ERC1: variants seen among roughly 807,000 people sequenced by gnomAD.
ERC1 encodes the protein ELKS/RAB6-interacting/CAST family member 1.
Under a neutral mutation model 132.0 loss-of-function variants are expected in ERC1, and 56 were observed. That is an observed-to-expected ratio of 0.42 (90% CI 0.34 to 0.53). The LOEUF (loss-of-function observed/expected upper bound fraction) is 0.53, where lower values mean the gene tolerates loss of function less well. Ranked by LOEUF, ERC1 falls within the 20% of genes least tolerant of loss-of-function variation. The probability of loss-of-function intolerance (pLI) is 0.03; values close to 1 mark genes in which losing one functional copy is unlikely to be tolerated. For synonymous variants in ERC1, 478 were observed against 476.1 expected, an observed-to-expected ratio of 1.00 and a Z score of -0.05; for missense variants, 1,202 against 1,349.9, an observed-to-expected ratio of 0.89 and a Z score of 1.72.
chr12:1,395,666 A>G (rs1161003579), intron 16 of ERC1, among the ~76,000 whole-genome samples: 2 of 151,888 alleles, frequency 1.3e-5, no homozygotes, highest in Non-Finnish European at 2.9e-5. Flanking sequence ...CAGCTGGGTT[A>G]TGTGTCTGGG....
intron 15 of ERC1, 79 bp downstream of exon 15, chr12:1,290,091 G>A (rs1440707514): frequency 3.2e-6 from 4 of 1,258,166 alleles, no homozygotes; most frequent in Non-Finnish European, 3.4e-6. Context: ...TTCTGGCTCT[G>A]TGTTTTACCC....
intron 13 of ERC1, among the ~76,000 whole-genome samples, chr12:1,242,679 A>G (rs1006735982): frequency 1.3e-5 from 2 of 152,186 alleles, no homozygotes; most frequent in Non-Finnish European, 1.5e-5. Context: ...TATAAGAGCA[A>G]ATGTTAACAG....
intron 3 of ERC1, among the ~76,000 whole-genome samples, chr12:1,102,994 C>G (rs1473503005): frequency 1.3e-5 from 2 of 152,158 alleles, no homozygotes; most frequent in African/African-American, 4.8e-5. Flanking sequence ...CACACTTCCT[C>G]CATGTATTCT....
intron 16 of ERC1, among the ~76,000 whole-genome samples, chr12:1,401,117 A>G (rs2154387437): frequency 6.7e-6 from 1 of 150,088 alleles, no homozygotes; most frequent in African/African-American, 2.5e-5. Flanking sequence ...TTGTATTTTT[A>G]GTAGAGACGG....
chr12:991,286 G>A lies in ERC1; in HGVS notation c.-193G>A, dbSNP rs1189826000. On this transcript the variant is annotated 5_prime_UTR_variant, in exon 1 of 19. Coordinates refer to ENST00000360905, the MANE Select transcript of ERC1 (RefSeq NM_178040.4). ...GTAGTGGCGGCGGCGGCGGTGCCTG[G>A]GCGGCAGCAGCAGCAGTAGCGGCAG... is the stretch of plus-strand genomic sequence containing the variant. 1.1e-5 allele frequency: 1 copy of A among 92,778 alleles called. No homozygotes were observed. The highest frequency in any genetic ancestry group is 7.3e-5 in the African/African-American group (1 of 13,778). The allele number at this position is 92,778 out of a possible 1,614,324, so 5.7% of individuals were successfully genotyped here.
chr12:1,343,934 C>T (rs1387797898), intron 15 of ERC1, among the ~76,000 whole-genome samples: 1 of 152,032 alleles, frequency 6.6e-6, no homozygotes, highest in Non-Finnish European at 1.5e-5. Context: ...CTCCGCCTTT[C>T]AGGTTCACAC....
intron 13 of ERC1, among the ~76,000 whole-genome samples, chr12:1,259,495 G>T: frequency 7.2e-6 from 1 of 138,906 alleles, no homozygotes; most frequent in African/African-American, 2.7e-5. Context: ...TGTTTTTCCT[G>T]TCTTGGGTAT....
chr12:1,241,803 T>C (rs1347821693), intron 13 of ERC1, among the ~76,000 whole-genome samples: 1 of 151,700 alleles, frequency 6.6e-6, no homozygotes, highest in African/African-American at 2.4e-5. Context: ...CATTCTAGAT[T>C]CATTGTTTTG....
intron 8 of ERC1, among the ~76,000 whole-genome samples, chr12:1,163,588 C>A (rs1306416108): frequency 6.6e-6 from 1 of 152,158 alleles, no homozygotes; most frequent in African/African-American, 2.4e-5. Flanking sequence ...GTAGTTTGTT[C>A]TTGATTTGTG....
intron 18 of ERC1, among the ~76,000 whole-genome samples, chr12:1,448,290 A>G (rs1270260737): frequency 2.6e-5 from 4 of 152,234 alleles, no homozygotes; most frequent in South Asian, 4.1e-4. Context: ...TCTCCCCAAC[A>G]GTCCCTGCGA....
intron 7 of ERC1, among the ~76,000 whole-genome samples, chr12:1,134,728 C>CT (rs201981125): frequency 0.16 from 21,763 of 136,032 alleles, 2,176 homozygotes; most frequent in Non-Finnish European, 0.23. Flanking sequence ...TCCTCAGTAA[C>CT]TTTTTTTTTT....
chr12:1,273,191 C>T (rs1566451448), intron 14 of ERC1, among the ~76,000 whole-genome samples: 1 of 151,956 alleles, frequency 6.6e-6, no homozygotes, highest in Non-Finnish European at 1.5e-5. Context: ...ATTTTAAAAC[C>T]GTAAAAATAT....
chr12:1,035,066 A>G (rs1565828569), intron 2 of ERC1, among the ~76,000 whole-genome samples: 1 of 152,226 alleles, frequency 6.6e-6, no homozygotes. Context: ...CGAAGGGTGC[A>G]ATTTTAAAGT....
intron 17 of ERC1, among the ~76,000 whole-genome samples, chr12:1,423,370 C>G (rs1027222099): frequency 2.6e-5 from 4 of 152,212 alleles, no homozygotes; most frequent in African/African-American, 9.7e-5. Flanking sequence ...CAAATAAACT[C>G]TTTAAAATTT....
At chr12:1,118,382 G>T (rs190439128) in intron 7 of ERC1, among the ~76,000 whole-genome samples, 3 of 152,082 alleles carry the variant, frequency 2.0e-5, no homozygotes, top group Non-Finnish European at 4.4e-5. Context: ...ATTCTTATTA[G>T]CCAGGTCTCA....
intron 15 of ERC1, among the ~76,000 whole-genome samples, chr12:1,315,226 A>T (rs2081599104): frequency 6.6e-6 from 1 of 152,158 alleles, no homozygotes; most frequent in Non-Finnish European, 1.5e-5. Context: ...CATGTTGTCC[A>T]GGCTGATCTT....
chr12:1,275,124 C>G (rs376485713), intron 14 of ERC1, among the ~76,000 whole-genome samples: 1 of 152,266 alleles, frequency 6.6e-6, no homozygotes, highest in South Asian at 2.1e-4. Context: ...TAGGTTTTAT[C>G]TCAACCACAG....
chr12:1,390,764 G>A lies in ERC1; in HGVS notation c.2926-17385G>A, dbSNP rs561636089. The A allele has an allele frequency of 5.3e-5, 8 of 152,334 alleles. No individual in the cohort carries two copies. The South Asian group carries it at 1.7e-3, about 32-fold the overall frequency. The allele number at this position is 152,334 out of a possible 1,614,324, so 9.4% of individuals were successfully genotyped here. On this transcript the variant is annotated intron_variant, in intron 16 of 18. Transcript: ENST00000360905. ...TACTACAAGAACTGGGACTGGAATA[G>A]GTTGCCCTGCCCTAGAAGTTTCCTA...
intron 15 of ERC1, among the ~76,000 whole-genome samples, chr12:1,304,957 T>G (rs1163276890): frequency 7.3e-5 from 11 of 151,366 alleles, no homozygotes; most frequent in Non-Finnish European, 1.6e-4. Flanking sequence ...GCCCGGCTAA[T>G]TTTTTGTATT....
Sources: gnomAD v4.1 joint callset for allele counts (sites outside exome capture counted in the v4.1 genomes callset) on GRCh38, gnomAD v4.1.1 for gene constraint, MANE v1.5 for transcripts, NCBI Gene and HGNC (gene_info 2026-07-23, HGNC 2026-07-21) for gene names.